TEKT5: variants seen among roughly 807,000 people sequenced by gnomAD.
TEKT5 encodes tektin 5, also known as tektin-5.
TEKT5 carries 52 observed loss-of-function variants against 48.7 expected under a neutral mutation model. The ratio of observed to expected loss-of-function variants is 1.07; its 90% CI spans 0.86 to 1.35. TEKT5 has a LOEUF of 1.35. Among genes scored for constraint, TEKT5 ranks in the 40% most tolerant of loss-of-function variants. The pLI, the probability that TEKT5 is intolerant of heterozygous loss-of-function variation, is 0.00. For missense variants in TEKT5, 831 were observed against 641.6 expected (o/e 1.30, Z -3.19); for synonymous variants, 318 against 267.6 (o/e 1.19, Z -1.84).
At chr16:10,638,544 G>A (rs1374623901) in intron 5 of TEKT5, among the ~76,000 whole-genome samples, 3 of 152,240 alleles carry the variant, frequency 2.0e-5, no homozygotes, top group African/African-American at 7.2e-5. Context: ...AGAAGGATGT[G>A]CCAGTGCAAC....
intron 5 of TEKT5, among the ~76,000 whole-genome samples, chr16:10,661,693 G>A (rs1166992829): frequency 6.6e-6 from 1 of 152,154 alleles, no homozygotes; most frequent in African/African-American, 2.4e-5. Flanking sequence ...AGTGAGGAGA[G>A]GCCAGTGGTA....
intron 5 of TEKT5, among the ~76,000 whole-genome samples, chr16:10,651,625 C>A (rs1183180287): frequency 1.3e-5 from 2 of 152,168 alleles, no homozygotes; most frequent in African/African-American, 2.4e-5. Context: ...AACACTGGCT[C>A]CCTGGATGGA....
chr16:10,660,992 G>A (rs926985922), intron 5 of TEKT5, among the ~76,000 whole-genome samples: 9 of 152,086 alleles, frequency 5.9e-5, no homozygotes, highest in East Asian at 3.9e-4. Context: ...GAGCCACCGC[G>A]CCCGGCTGTG....
Position 10,635,814 on chromosome 16 carries a change from G to A in TEKT5, c.1191C>T (p.Cys397=), listed in dbSNP as rs779376823. The A allele has an allele frequency of 6.2e-7, 1 of 1,614,140 alleles. No homozygotes were observed. The highest frequency in any genetic ancestry group is 1.1e-5 in the South Asian group (1 of 91,086). ...PLKVAQTRLE[C]RTRRPNMELC... is the part of the protein sequence containing the mutation. The stretch of plus-strand genomic sequence containing the variant: ...GCTCCATGTTGGGGCGCCGGGTCCG[G>A]CACTCCAGCCTTGTCTGGGCCACCT... Residue 397 remains cysteine (C), a synonymous_variant, in exon 6 of 7, where the codon TGC becomes TGT. Transcript: ENST00000283025.
chr16:10,646,472 G>A (rs942945445), intron 5 of TEKT5, among the ~76,000 whole-genome samples: 1 of 152,172 alleles, frequency 6.6e-6, no homozygotes, highest in Non-Finnish European at 1.5e-5. Context: ...GGATTTTACA[G>A]TCACTTTGCT....
intron 6 of TEKT5, among the ~76,000 whole-genome samples, chr16:10,632,618 A>G (rs1897854697): frequency 6.6e-6 from 1 of 152,128 alleles, no homozygotes; most frequent in South Asian, 2.1e-4. Context: ...TTTTAAATGG[A>G]CTTTCTTTCT....
intron 5 of TEKT5, among the ~76,000 whole-genome samples, chr16:10,653,205 T>C (rs1235881138): frequency 2.0e-5 from 3 of 152,208 alleles, no homozygotes; most frequent in Non-Finnish European, 4.4e-5. Flanking sequence ...GGAGGAGTCC[T>C]GGCATCCTGG....
chr16:10,688,960 G>A (rs1898914303), intron 3 of TEKT5, among the ~76,000 whole-genome samples: 1 of 152,214 alleles, frequency 6.6e-6, no homozygotes, highest in African/African-American at 2.4e-5. Flanking sequence ...GTAAACAAGA[G>A]AAACCAGCGA....
intron 5 of TEKT5, among the ~76,000 whole-genome samples, chr16:10,663,676 C>T (rs1898411539): frequency 6.6e-6 from 1 of 152,214 alleles, no homozygotes; most frequent in South Asian, 2.1e-4. Context: ...CCAGATATAT[C>T]TCAGCTGTGG....
At chr16:10,636,690 CGTGTGTGT>C (rs34623422) in intron 5 of TEKT5, among the ~76,000 whole-genome samples, 6,973 of 145,248 alleles carry the variant, frequency 0.048, 174 homozygotes, top group South Asian at 0.073. Context: ...TACATACATA[CGTGTGTGT>C]GTGTGTGTGT....
intron 1 of TEKT5, among the ~76,000 whole-genome samples, chr16:10,691,995 A>C (rs1465092842): frequency 6.6e-6 from 1 of 150,610 alleles, no homozygotes; most frequent in East Asian, 2.0e-4. Context: ...CCATCAAGGG[A>C]ACCAGTGGCT....
At chr16:10,628,307 G>T (rs1373545609) in intron 6 of TEKT5, among the ~76,000 whole-genome samples, 1 of 152,118 alleles carries the variant, frequency 6.6e-6, no homozygotes, top group Non-Finnish European at 1.5e-5. Flanking sequence ...AACTGTCAAG[G>T]GTAATGTACA....
intron 1 of TEKT5, among the ~76,000 whole-genome samples, chr16:10,691,957 A>G (rs1379418843): frequency 6.6e-6 from 1 of 151,914 alleles, no homozygotes; most frequent in Non-Finnish European, 1.5e-5. Flanking sequence ...CAAAAAAAAA[A>G]AAAAAAAGGT....
At chr16:10,672,691 T>C (rs1567232881) in intron 5 of TEKT5, among the ~76,000 whole-genome samples, 1 of 152,134 alleles carries the variant, frequency 6.6e-6, no homozygotes, top group Non-Finnish European at 1.5e-5. Flanking sequence ...CAAGGTTAAA[T>C]CAGGAGCAGT....
At chr16:10,655,599 C>T (rs1320239904) in intron 5 of TEKT5, among the ~76,000 whole-genome samples, 1 of 152,174 alleles carries the variant, frequency 6.6e-6, no homozygotes, top group Middle Eastern at 3.2e-3. Context: ...TTTCCAGGCT[C>T]CCTTGTAGCT....
intron 3 of TEKT5, among the ~76,000 whole-genome samples, 168 bp from the exon 4 acceptor site, chr16:10,682,304 C>A (rs558592843): frequency 2.0e-5 from 3 of 151,852 alleles, no homozygotes; most frequent in East Asian, 1.9e-4. Flanking sequence ...AGGCTCCCCC[C>A]AATCCAAACA....
chr16:10,673,986 C>G (rs1315420186), intron 5 of TEKT5, among the ~76,000 whole-genome samples: 1 of 152,052 alleles, frequency 6.6e-6, no homozygotes, highest in African/African-American at 2.4e-5. Flanking sequence ...GTCCCTTCTG[C>G]CACGCAGGCA....
intron 5 of TEKT5, among the ~76,000 whole-genome samples, chr16:10,648,748 T>C (rs1478118241): frequency 6.6e-6 from 1 of 152,210 alleles, no homozygotes; most frequent in Non-Finnish European, 1.5e-5. Context: ...CCTATCTTTG[T>C]CTCTCTAGCC....
chr16:10,677,689 G>T (rs1446365265), intron 4 of TEKT5, among the ~76,000 whole-genome samples: 1 of 98,478 alleles, frequency 1.0e-5, no homozygotes, highest in African/African-American at 7.0e-5. Context: ...GAAGCAATAG[G>T]TGTTATAAAA....
Sources: allele counts gnomAD v4.1 joint callset (sites outside exome capture counted in the v4.1 genomes callset), GRCh38; gene constraint gnomAD v4.1.1; transcripts MANE v1.5; gene names NCBI Gene and HGNC (gene_info 2026-07-23, HGNC 2026-07-21).